Variants in SMAP1 observed in about 807,000 individuals in gnomAD.
SMAP1 encodes the protein stromal membrane-associated protein 1.
Under a neutral mutation model 58.5 loss-of-function variants are expected in SMAP1, and 24 were observed. The ratio of observed to expected loss-of-function variants is 0.41; its 90% CI spans 0.30 to 0.58. The LOEUF is 0.58. Ranked by LOEUF, SMAP1 falls within the 20% of genes least tolerant of loss-of-function variation. SMAP1 has a pLI of 0.29. For synonymous variants in SMAP1, 216 were observed against 196.6 expected (o/e 1.10, Z -0.82); for missense variants, 563 against 566.3 (o/e 0.99, Z 0.06).
intron 4 of SMAP1, among the ~76,000 whole-genome samples, chr6:70,787,901 A>C (rs1768136444): frequency 6.6e-6 from 1 of 151,956 alleles, no homozygotes. Context: ...GCGATTCCTC[A>C]GGGATCTAGA....
At chr6:70,788,864 T>C (rs1220286346) in intron 4 of SMAP1, among the ~76,000 whole-genome samples, 1 of 152,184 alleles carries the variant, frequency 6.6e-6, no homozygotes, top group Non-Finnish European at 1.5e-5. Flanking sequence ...TGGTCAGTTT[T>C]ACTTCGAGAA....
intron 1 of SMAP1, 40 bp from the exon 2 acceptor site, chr6:70,732,338 T>C: frequency 6.3e-7 from 1 of 1,586,380 alleles, no homozygotes; most frequent in African/African-American, 1.4e-5. Context: ...TTTTTGTTTT[T>C]AACATTTGCT....
chr6:70,694,080 G>A (rs1387283274), intron 1 of SMAP1: 1 of 227,586 alleles, frequency 4.4e-6, no homozygotes, highest in Non-Finnish European at 8.7e-6. Context: ...CCCTCTTGAA[G>A]TTCAAATGGT....
intron 4 of SMAP1, among the ~76,000 whole-genome samples, chr6:70,778,638 G>A (rs935880940): frequency 2.0e-5 from 3 of 152,238 alleles, no homozygotes; most frequent in African/African-American, 7.2e-5. Context: ...CCCTGGTTGG[G>A]TCATGTGGGC....
chr6:70,727,345 G>A (rs886790702), intron 1 of SMAP1, among the ~76,000 whole-genome samples: 11 of 152,318 alleles, frequency 7.2e-5, no homozygotes, highest in African/African-American at 2.4e-4. Context: ...CTGGCCTTAA[G>A]TTATCTGCCC....
chr6:70,733,591 G>T (rs1026299325), intron 2 of SMAP1, among the ~76,000 whole-genome samples: 76 of 152,228 alleles, frequency 5.0e-4, no homozygotes, highest in Non-Finnish European at 1.0e-4. Flanking sequence ...GCCCAGGCTG[G>T]TCTCAAACTC....
intron 6 of SMAP1, among the ~76,000 whole-genome samples, chr6:70,801,733 G>A (rs552217878): frequency 4.3e-4 from 65 of 152,264 alleles, no homozygotes; most frequent in Middle Eastern, 3.4e-3. Flanking sequence ...TTCTACATAT[G>A]GCTAGCCAGT....
At chr6:70,669,559 G>C (rs1053685928) in intron 1 of SMAP1, among the ~76,000 whole-genome samples, 1 of 152,200 alleles carries the variant, frequency 6.6e-6, no homozygotes, top group Admixed American at 6.5e-5. Flanking sequence ...TGTAATACTT[G>C]TTTTCCTAGT....
At chr6:70,789,724 C>CAAAACAAAAAAAAAAAAAAAAAAAAAA (rs1768260288) in intron 4 of SMAP1, among the ~76,000 whole-genome samples, 1 of 73,770 alleles carries the variant, frequency 1.4e-5, no homozygotes, top group Non-Finnish European at 2.5e-5. Context: ...GACTCTGTCT[C>CAAAACAAAAAAAAAAAAAAAAAAAAAA]AAAAAAAAAA....
rs745587315 is a variant in SMAP1, at chr6:70,725,093, GTTTTTTTTTTTTTTTTTTTTTTTT to G, written c.119-7267_119-7244del. ...GACTCCATATCCTAAATTAACCAGT[GTTTTTTTTTTTTTTTTTTTTTTTT>G]TTTTTTTTTTTTTTTTTGAGACGGA... is the stretch of plus-strand genomic sequence containing the variant. On this transcript the variant is annotated intron_variant, in intron 1 of 10. Coordinates refer to ENST00000370455, the MANE Select transcript of SMAP1 (RefSeq NM_001044305.3). Among the ~76,000 whole-genome samples, 43 of 47,776 alleles carry G rather than the reference GTTTTTTTTTTTTTTTTTTTTTTTT, an allele frequency of 9.0e-4. 1 individual carries two copies. Among genetic ancestry groups the G allele is most frequent in the South Asian group, 2.3e-3 (3 of 1,324 alleles). The allele number at this position is 47,776 out of a possible 152,430, so 31.3% of individuals were successfully genotyped here.
At chr6:70,748,050 TC>T (rs536896216) in intron 2 of SMAP1, among the ~76,000 whole-genome samples, 7 of 152,152 alleles carry the variant, frequency 4.6e-5, no homozygotes, top group Non-Finnish European at 8.8e-5. Context: ...TCCAAAGAGT[TC>T]CTGAGACCAA....
At chr6:70,794,382 A>G (rs1768505680) in intron 5 of SMAP1, among the ~76,000 whole-genome samples, 1 of 152,158 alleles carries the variant, frequency 6.6e-6, no homozygotes, top group African/African-American at 2.4e-5. Flanking sequence ...CGAAGCCTGT[A>G]TCCTAATACC....
chr6:70,768,902 C>T (rs1335444278), intron 3 of SMAP1, among the ~76,000 whole-genome samples: 2 of 151,938 alleles, frequency 1.3e-5, no homozygotes, highest in South Asian at 2.1e-4. Context: ...CTATAAATTT[C>T]CCTCTACACA....
At chr6:70,699,709 G>A (rs748998941) in intron 1 of SMAP1, among the ~76,000 whole-genome samples, 2 of 151,864 alleles carry the variant, frequency 1.3e-5, no homozygotes, top group East Asian at 1.9e-4. Context: ...GTACTGCCTC[G>A]CCACTGCTGA....
At chr6:70,686,451 G>A (rs1766937768) in intron 1 of SMAP1, among the ~76,000 whole-genome samples, 1 of 152,152 alleles carries the variant, frequency 6.6e-6, no homozygotes, top group Non-Finnish European at 1.5e-5. Flanking sequence ...TTGAAATAAG[G>A]CTTAATGGAA....
chr6:70,731,370 A>G (rs550787710), intron 1 of SMAP1, among the ~76,000 whole-genome samples: 2 of 152,320 alleles, frequency 1.3e-5, no homozygotes, highest in East Asian at 1.9e-4. Context: ...GTTTTTTGGC[A>G]GTGTTTTTCA....
chr6:70,694,129 G>T (rs1375598281), intron 1 of SMAP1: 2 of 335,460 alleles, frequency 6.0e-6, no homozygotes, highest in Admixed American at 7.4e-5. Flanking sequence ...TGGATTTTCT[G>T]TTTACATCTT....
intron 1 of SMAP1, among the ~76,000 whole-genome samples, chr6:70,709,908 T>A (rs945573859): frequency 6.1e-5 from 8 of 131,850 alleles, no homozygotes; most frequent in East Asian, 2.3e-4. Flanking sequence ...TGTAGATCTT[T>A]CATTCCCTGG....
chr6:70,855,747 C>G (rs1249281122), intron 8 of SMAP1, among the ~76,000 whole-genome samples: 2 of 152,206 alleles, frequency 1.3e-5, no homozygotes, highest in Non-Finnish European at 2.9e-5. Flanking sequence ...TCCTGGCAGA[C>G]AGGCTCCAGC....
Sources: gnomAD v4.1 joint callset for allele counts (sites outside exome capture counted in the v4.1 genomes callset) on GRCh38, gnomAD v4.1.1 for gene constraint, MANE v1.5 for transcripts, NCBI Gene and HGNC (gene_info 2026-07-23, HGNC 2026-07-21) for gene names.